The following CUL1 variants were observed in gnomAD, a reference collection of about 807,000 sequenced individuals.
CUL1 encodes the protein cullin 1.
In CUL1, 24 loss-of-function variants were observed where a neutral mutation model predicts 118.0. That is an observed-to-expected ratio of 0.20 (90% CI 0.15 to 0.29). CUL1 has a LOEUF of 0.29. Ranked by LOEUF, CUL1 falls within the 10% of genes least tolerant of loss-of-function variation. The pLI is 1.00. For missense variants in CUL1, 361 were observed against 933.8 expected (o/e 0.39, Z 7.99); for synonymous variants, 332 against 340.4 (o/e 0.98, Z 0.27).
chr7:148,752,098 T>A (rs1424756312), intron 2 of CUL1, among the ~76,000 whole-genome samples: 1 of 151,764 alleles, frequency 6.6e-6, no homozygotes, highest in Non-Finnish European at 1.5e-5. Context: ...GCAACAAGAG[T>A]GAAACTCCAT....
chr7:148,731,741 A>G (rs1474203512), intron 2 of CUL1, among the ~76,000 whole-genome samples: 1 of 152,056 alleles, frequency 6.6e-6, no homozygotes, highest in Non-Finnish European at 1.5e-5. Context: ...GTCTCTATGA[A>G]TTTGCCCATT....
chr7:148,717,043 T>TTTTTGTTTTGTTTTG (rs371522501), intron 1 of CUL1, among the ~76,000 whole-genome samples: 1,700 of 150,736 alleles, frequency 0.011, 21 homozygotes, highest in South Asian at 0.032. Context: ...TTGTTTTTCA[T>TTTTTGTTTTGTTTTG]TTTTGTTTTG....
chr7:148,795,531 C>A (rs1318200478), intron 17 of CUL1, among the ~76,000 whole-genome samples: 1 of 152,012 alleles, frequency 6.6e-6, no homozygotes, highest in Non-Finnish European at 1.5e-5. Flanking sequence ...CTTTGGGAGC[C>A]CGAGGCGGGC....
In CUL1 at chr7:148,698,966, G is replaced by GGGCCCA. The variant is rs951499802; in HGVS notation, c.-216_-211dup. On this transcript the variant is annotated 5_prime_UTR_variant, in exon 1 of 22. Transcript: ENST00000325222. ...CCTTGGCGGGACGGGGCTTTCGCCG[G>GGGCCCA]GGCCCAGGCCCAGGGACCAGGCGGA... is the stretch of plus-strand genomic sequence containing the variant. The GGGCCCA allele has an allele frequency of 6.5e-6, 1 of 153,656 alleles. No individual in the cohort carries two copies. 9.5% of individuals were successfully genotyped at this position (153,656 alleles called of 1,614,324 possible).
At chr7:148,753,936 C>A in intron 2 of CUL1, 40 bp from the exon 3 acceptor site, 3 of 1,450,792 alleles carry the variant, frequency 2.1e-6, no homozygotes, top group Non-Finnish European at 2.8e-6. Context: ...TGACCGTTAA[C>A]GTCTGTGATA....
chr7:148,789,376 A>C (rs1332999650), intron 14 of CUL1, among the ~76,000 whole-genome samples: 4 of 152,030 alleles, frequency 2.6e-5, no homozygotes, highest in African/African-American at 7.2e-5. Context: ...CCTGCTTGTG[A>C]GTTTGCATGA....
At chr7:148,781,376 C>T (rs955424033) in intron 9 of CUL1, among the ~76,000 whole-genome samples, 11 of 152,140 alleles carry the variant, frequency 7.2e-5, no homozygotes, top group African/African-American at 1.7e-4. Context: ...CCACCGCGCC[C>T]GGCCAAGGCC....
rs117974919 is a variant in CUL1, at chr7:148,780,969, C to T, written c.1084-2814C>T. ...TCTTTTCTCTATTTGCTGACTAGTT[C>T]CTTAAAATTCTCTCCCGTATATTAT... is the stretch of plus-strand genomic sequence containing the variant. On this transcript the variant is annotated intron_variant, in intron 9 of 21. Transcript: ENST00000325222. 9.1e-3 allele frequency among the ~76,000 whole-genome samples: 1,373 copies of T among 151,658 alleles called. 9 individuals carry two copies. The highest frequency in any genetic ancestry group is 0.02 in the Middle Eastern group (6 of 294).
chr7:148,792,568 G>A (rs758220674), intron 16 of CUL1, among the ~76,000 whole-genome samples, 158 bp from the exon 17 acceptor site: 62 of 152,220 alleles, frequency 4.1e-4, no homozygotes, highest in Admixed American at 9.8e-4. Flanking sequence ...GCATTGCCAC[G>A]TTTTATATTC....
intron 3 of CUL1, among the ~76,000 whole-genome samples, chr7:148,756,257 G>A (rs1799652726): frequency 6.6e-6 from 1 of 152,062 alleles, no homozygotes; most frequent in Admixed American, 6.5e-5. Context: ...TAAATTTAAA[G>A]AAGGAAGAAG....
chr7:148,778,061 A>C (rs1800463047), intron 9 of CUL1, among the ~76,000 whole-genome samples: 1 of 123,262 alleles, frequency 8.1e-6, no homozygotes, highest in Admixed American at 8.7e-5. Context: ...ACAGAAGAAG[A>C]CCCTGTCTCA....
chr7:148,775,382 A>G (rs964152252), intron 9 of CUL1, among the ~76,000 whole-genome samples: 1 of 152,242 alleles, frequency 6.6e-6, no homozygotes, highest in Admixed American at 6.5e-5. Flanking sequence ...ACACAGGAAG[A>G]GGGTCAGATG....
intron 1 of CUL1, among the ~76,000 whole-genome samples, chr7:148,721,657 G>C (rs563444644): frequency 1.3e-4 from 20 of 152,062 alleles, no homozygotes; most frequent in Admixed American, 2.6e-4. Context: ...CTCTCCCTTC[G>C]TAGAAGTACT....
At chr7:148,778,103 A>AAAAG (rs1563166664) in intron 9 of CUL1, among the ~76,000 whole-genome samples, 2 of 147,512 alleles carry the variant, frequency 1.4e-5, no homozygotes, top group Non-Finnish European at 1.5e-5. Flanking sequence ...AAAAAGAAGA[A>AAAAG]GAAGAAGAAT....
chr7:148,759,795 T>A (rs999920392), intron 6 of CUL1, among the ~76,000 whole-genome samples, 157 bp downstream of exon 6: 1 of 152,202 alleles, frequency 6.6e-6, no homozygotes, highest in African/African-American at 2.4e-5. Flanking sequence ...CAGTGTGACT[T>A]TATTTGTTTT....
intron 1 of CUL1, among the ~76,000 whole-genome samples, chr7:148,701,055 A>G (rs1490967397): frequency 6.6e-6 from 1 of 152,054 alleles, no homozygotes; most frequent in Admixed American, 6.6e-5. Context: ...TACATTTCCG[A>G]TTGTGAATTC....
intron 1 of CUL1, among the ~76,000 whole-genome samples, chr7:148,700,878 C>G (rs1797699488): frequency 6.6e-6 from 1 of 152,124 alleles, no homozygotes; most frequent in Non-Finnish European, 1.5e-5. Flanking sequence ...GTCCTTATAG[C>G]CAGCCCCACC....
At chr7:148,731,554 C>G (rs2129459638) in intron 2 of CUL1, among the ~76,000 whole-genome samples, 1 of 152,234 alleles carries the variant, frequency 6.6e-6, no homozygotes. Context: ...CCATAAAATT[C>G]AACCTTTTAA....
At chr7:148,785,308 ACTATGGAGATACTCCACTGGGT>A (rs1400200470) in intron 11 of CUL1, among the ~76,000 whole-genome samples, 4 of 152,192 alleles carry the variant, frequency 2.6e-5, no homozygotes, top group African/African-American at 9.6e-5. Context: ...GCATGTTATG[ACTATGGAGATACTCCACTGGGT>A]CTTCATTCAG....
Sources: gnomAD v4.1 joint callset for allele counts (sites outside exome capture counted in the v4.1 genomes callset) on GRCh38, gnomAD v4.1.1 for gene constraint, MANE v1.5 for transcripts, NCBI Gene and HGNC (gene_info 2026-07-23, HGNC 2026-07-21) for gene names.